Variants in ROCK2 observed in about 807,000 individuals in gnomAD.
The protein encoded by ROCK2 is rho-associated protein kinase 2.
Under a neutral mutation model 195.1 loss-of-function variants are expected in ROCK2, and 61 were observed. The observed-to-expected ratio is 0.31, with a 90% CI of 0.25 to 0.39. The LOEUF (loss-of-function observed/expected upper bound fraction) is 0.39. Ranked by LOEUF, ROCK2 falls within the 10% of genes least tolerant of loss-of-function variation. The pLI, the probability that ROCK2 is intolerant of heterozygous loss-of-function variation, is 1.00. For synonymous variants in ROCK2, 504 were observed against 545.5 expected (o/e 0.92, Z 1.06); for missense variants, 1,109 against 1,637.4 (o/e 0.68, Z 5.57).
chr2:11,268,138 G>C (rs1666485002), intron 3 of ROCK2, among the ~76,000 whole-genome samples: 2 of 152,006 alleles, frequency 1.3e-5, no homozygotes, highest in Admixed American at 6.6e-5. Context: ...AACAAATAAA[G>C]GGAGCCATGG....
At chr2:11,234,588 AAC>A (rs1665138092) in intron 5 of ROCK2, 1 of 152,174 alleles carries the variant, frequency 6.6e-6, no homozygotes, top group Non-Finnish European at 1.5e-5. Flanking sequence ...TGCAGAATAT[AAC>A]AGACTCTATC....
chr2:11,206,142 T>A (rs1004529455), intron 20 of ROCK2, among the ~76,000 whole-genome samples: 1 of 151,572 alleles, frequency 6.6e-6, no homozygotes, highest in Non-Finnish European at 1.5e-5. Flanking sequence ...GAACAAAATA[T>A]AAATAAATGA....
At chr2:11,335,410 CAG>C (rs1668900132) in intron 1 of ROCK2, among the ~76,000 whole-genome samples, 1 of 152,116 alleles carries the variant, frequency 6.6e-6, no homozygotes, top group South Asian at 2.1e-4. Context: ...ATTTATTAAA[CAG>C]TAAGCTCCAT....
intron 4 of ROCK2, among the ~76,000 whole-genome samples, chr2:11,243,219 G>A (rs1008412668): frequency 2.0e-5 from 3 of 152,184 alleles, no homozygotes; most frequent in Non-Finnish European, 4.4e-5. Flanking sequence ...GGGACAACTG[G>A]TGAAAACCTG....
chr2:11,262,586 A>T (rs116441568), intron 3 of ROCK2, among the ~76,000 whole-genome samples: 1 of 152,132 alleles, frequency 6.6e-6, no homozygotes, highest in South Asian at 2.1e-4. Context: ...AATGGTTATT[A>T]TAAGGGGGGA....
At chr2:11,220,524 T>C (rs747598657) in intron 9 of ROCK2, among the ~76,000 whole-genome samples, 27 of 152,206 alleles carry the variant, frequency 1.8e-4, no homozygotes, top group South Asian at 2.1e-4. Flanking sequence ...TGTGTCAGAC[T>C]TTCTGCTAGA....
At chr2:11,302,194 C>CT (rs1667728307) in intron 1 of ROCK2, among the ~76,000 whole-genome samples, 1 of 152,218 alleles carries the variant, frequency 6.6e-6, no homozygotes, top group Non-Finnish European at 1.5e-5. Context: ...GTTTCCCTGC[C>CT]TCTAATCTCC....
rs1572222260 is a variant in ROCK2 at position 11,192,459 on chromosome 2, G to C, written c.3941C>G (p.Pro1314Arg). The C allele has an allele frequency of 6.2e-7, 1 of 1,613,758 alleles. No homozygotes were observed. Among genetic ancestry groups the C allele is most frequent in the Non-Finnish European group, 8.5e-7 (1 of 1,179,812 alleles). The change falls in exon 31 of 33, where the codon CCT becomes CGT. Residue 1314 changes from proline (P) to arginine (R), a missense_variant. Around this residue, in one of 6 missense-constraint regions of ROCK2, gnomAD observed 221 missense variants for 355.1 expected, o/e 0.62. Transcript: ENST00000315872. This position sits in a 1 kb window ranked among gnomAD's most constrained non-coding sequence, Gnocchi z 5.0. Reference protein sequence around the residue: ...HMDKKEEIIAPCKVYYDISTA... With the variant: ...HMDKKEEIIARCKVYYDISTA... Reference sequence around the variant, plus strand: ...AGTAATTTATCATTTACCTTTGCAAGGTGCTATAATCTCCTCCTTTTTGTC... The same window carrying C: ...AGTAATTTATCATTTACCTTTGCAACGTGCTATAATCTCCTCCTTTTTGTC...
intron 4 of ROCK2, among the ~76,000 whole-genome samples, chr2:11,246,536 G>C (rs1665620926): frequency 6.6e-6 from 1 of 151,976 alleles, no homozygotes; most frequent in South Asian, 2.1e-4. Flanking sequence ...GCTTTAAAAA[G>C]ACAAAGTCCT....
chr2:11,191,010 A>G (rs909471731), intron 32 of ROCK2, among the ~76,000 whole-genome samples: 4 of 152,164 alleles, frequency 2.6e-5, no homozygotes, highest in Admixed American at 2.6e-4. Context: ...TTGTCATTCT[A>G]AATTATTTCC....
At chr2:11,257,691 C>G (rs1666085330) in intron 3 of ROCK2, among the ~76,000 whole-genome samples, 1 of 151,256 alleles carries the variant, frequency 6.6e-6, no homozygotes, top group Admixed American at 6.6e-5. Flanking sequence ...GATGGCGGCC[C>G]ATGGGAAGAT....
chr2:11,281,048 C>G (rs1269284394), intron 3 of ROCK2, among the ~76,000 whole-genome samples: 1 of 151,752 alleles, frequency 6.6e-6, no homozygotes, highest in Non-Finnish European at 1.5e-5. Flanking sequence ...GAATTATACG[C>G]CACAACCAAG....
rs766658319 is a variant in ROCK2, at chr2:11,344,019, G to A, written c.118C>T (p.Pro40Ser). Residue 40 changes from proline (P) to serine (S), a missense_variant, in exon 1 of 33, where the codon CCC (proline) becomes TCC (serine). Physicochemically the swap from Pro to Ser is moderately conservative, Grantham distance 74. Transcript: ENST00000315872. The surrounding 1 kb of genome is among the most constrained non-coding windows in gnomAD (Gnocchi z 5.4). The stretch of plus-strand genomic sequence containing the variant: ...ACCAGCAAGCTCTCCACGTTGATGG[G>A]GGAGCGAGGGTCTCGGATCAGCGCC... ...LEALIRDPRS[P>S]INVESLLDGL... The A allele has an allele frequency of 1.0e-5, 16 of 1,590,094 alleles. No homozygotes were observed. The Admixed American group carries it at 1.7e-4, about 17-fold the overall frequency.
chr2:11,296,048 G>GAGAA (rs1384789941), intron 1 of ROCK2, among the ~76,000 whole-genome samples: 1 of 146,960 alleles, frequency 6.8e-6, no homozygotes, highest in African/African-American at 2.6e-5. Context: ...GAGAGAGAGA[G>GAGAA]AGAAAACAAA....
intron 3 of ROCK2, among the ~76,000 whole-genome samples, chr2:11,274,275 C>T (rs1344932297): frequency 6.6e-6 from 1 of 151,762 alleles, no homozygotes; most frequent in Non-Finnish European, 1.5e-5. Flanking sequence ...AAAGATAAAA[C>T]AGAGAACACA....
intron 1 of ROCK2, among the ~76,000 whole-genome samples, chr2:11,307,726 C>T (rs1207891922): frequency 2.6e-5 from 4 of 152,172 alleles, no homozygotes; most frequent in Admixed American, 6.5e-5. Context: ...TCCATATCCA[C>T]GGTTTCTGAA....
Position 11,191,674 on chromosome 2 carries a change from A to G in ROCK2, c.4163+474T>C, listed in dbSNP as rs192131163. ...GCTTATAAAAGCTGAAAATTATATT[A>G]TTATACAGTAAGTCCTCACTGGACA... On this transcript the variant is annotated intron_variant, in intron 32 of 32. Coordinates refer to ENST00000315872, the MANE Select transcript of ROCK2 (RefSeq NM_004850.5). Among the ~76,000 whole-genome samples the G allele has an allele frequency of 1.2e-3, 186 of 152,338 alleles. 3 individuals carry two copies. Among genetic ancestry groups the G allele is most frequent in the African/African-American group, 4.4e-3 (184 of 41,574 alleles).
chr2:11,331,036 G>A (rs1668747608), intron 1 of ROCK2, among the ~76,000 whole-genome samples: 1 of 127,258 alleles, frequency 7.9e-6, no homozygotes, highest in Non-Finnish European at 1.7e-5. Flanking sequence ...GGAGGAGGGA[G>A]GAGGAGGGAG....
At position 11,215,566 on chromosome 2, in the gene ROCK2, T is replaced by C. The variant is rs753011445; in HGVS notation, c.1541A>G (p.Glu514Gly). The C allele has an allele frequency of 2.5e-5, 40 of 1,613,694 alleles. No homozygotes were observed. In the Admixed American group the frequency reaches 5.5e-4, roughly 22 times the overall value. ...TTCATGATCAGCTTTCCTCTGATAT[T>C]CTGCATTTTTGTGCTGAAGAAGCGC... ...EKALLQHKNA[E>G]YQRKADHEAD... The change falls in exon 14 of 33, where the codon GAA (glutamate) becomes GGA (glycine). Residue 514 changes from glutamate to glycine, a missense_variant. Glu to Gly is a moderately conservative substitution (Grantham distance 98). Transcript: ENST00000315872.
Sources: gnomAD v4.1 joint callset for allele counts (sites outside exome capture counted in the v4.1 genomes callset) on GRCh38, gnomAD v4.1.1 for gene constraint, gnomAD v4.1.1 regional missense constraint, Gnocchi (gnomAD v3.1) non-coding constraint, MANE v1.5 for transcripts, NCBI Gene and HGNC (gene_info 2026-07-23, HGNC 2026-07-21) for gene names.